Variants in BMPR1B observed in about 807,000 individuals in gnomAD.
BMPR1B encodes the protein bone morphogenetic protein receptor type-1B.
BMPR1B carries 12 observed loss-of-function variants against 59.1 expected under a neutral mutation model. That is an observed-to-expected ratio of 0.20 (90% CI 0.13 to 0.33). The LOEUF is 0.33. BMPR1B is among the 10% of genes least tolerant of loss of function. BMPR1B has a pLI of 1.00. For missense variants in BMPR1B, 550 were observed against 610.9 expected (o/e 0.90, Z 1.05); for synonymous variants, 237 against 207.3 (o/e 1.14, Z -1.23).
intron 3 of BMPR1B, among the ~76,000 whole-genome samples, chr4:95,027,026 A>G (rs1412812683): frequency 6.6e-6 from 1 of 151,954 alleles, no homozygotes; most frequent in Admixed American, 6.6e-5. Context: ...CAGCCTCCCA[A>G]GGTGCTGGGA....
intron 3 of BMPR1B, among the ~76,000 whole-genome samples, chr4:95,073,105 G>C (rs1410397878): frequency 2.6e-5 from 4 of 152,160 alleles, no homozygotes; most frequent in Admixed American, 2.0e-4. Context: ...AAGAGATAAG[G>C]GGGGGAAATC....
chr4:94,835,709 T>C (rs1724780955), intron 1 of BMPR1B, among the ~76,000 whole-genome samples: 1 of 152,182 alleles, frequency 6.6e-6, no homozygotes, highest in Non-Finnish European at 1.5e-5. Flanking sequence ...CTACACTAAT[T>C]TGTATTCAAA....
intron 4 of BMPR1B, among the ~76,000 whole-genome samples, chr4:95,105,779 A>T (rs1197209159): frequency 1.3e-5 from 2 of 152,080 alleles, no homozygotes; most frequent in Non-Finnish European, 2.9e-5. Flanking sequence ...AAACGATTCC[A>T]AAGCTCAGTT....
chr4:95,152,797 G>A, intron 12 of BMPR1B, 24 bp downstream of exon 12: 1 of 1,610,828 alleles, frequency 6.2e-7, no homozygotes, highest in South Asian at 1.1e-5. Context: ...TAACCATGTG[G>A]CTGTGACAGA....
At position 94,914,912 on chromosome 4, in the gene BMPR1B, A is replaced by G. The variant is rs538981201; in HGVS notation, c.-113+39012A>G. Among the ~76,000 whole-genome samples, 5 of 152,282 alleles carry G rather than the reference A, an allele frequency of 3.3e-5. No homozygotes were observed. The East Asian group carries it at 5.8e-4, about 18-fold the overall frequency. On this transcript the variant is annotated intron_variant, in intron 2 of 12. Coordinates refer to ENST00000515059, the MANE Select transcript of BMPR1B (RefSeq NM_001203.3). ...TATTGATATGAATGCTATAATATGCATATATTTAAGTAGTAATACCTTATA... is the reference window on the plus strand; with the variant it reads ...TATTGATATGAATGCTATAATATGCGTATATTTAAGTAGTAATACCTTATA...
rs1014704858 is a variant in BMPR1B at position 95,156,852 on chromosome 4, C to T, written c.*2179C>T. On this transcript the variant is annotated 3_prime_UTR_variant, in exon 13 of 13. Coordinates refer to ENST00000515059, the MANE Select transcript of BMPR1B (RefSeq NM_001203.3). ...AACTAAGTGTGACTAATCATCTGAG[C>T]CTTGAAGAGAAACTTCAGTGCCTCT... The T allele has an allele frequency of 1.3e-5, 2 of 152,056 alleles. No individual in the cohort carries two copies. Among genetic ancestry groups the T allele is most frequent in the Admixed American group, 6.6e-5 (1 of 15,258 alleles). 9.4% of individuals were successfully genotyped at this position (152,056 alleles called of 1,614,324 possible).
At chr4:95,116,421 G>GCGCGCACGCACACACACACACACA in intron 6 of BMPR1B, among the ~76,000 whole-genome samples, 5 of 123,198 alleles carry the variant, frequency 4.1e-5, no homozygotes, top group African/African-American at 1.8e-4. Flanking sequence ...TTCAGCGCGC[G>GCGCGCACGCACACACACACACACA]CACACACACA....
intron 3 of BMPR1B, among the ~76,000 whole-genome samples, chr4:95,005,465 A>G (rs1391206090): frequency 6.6e-6 from 1 of 152,134 alleles, no homozygotes; most frequent in Admixed American, 6.5e-5. Flanking sequence ...AGGGCAGTTC[A>G]ACAAACAGGC....
chr4:94,846,144 C>T (rs1725316572), intron 1 of BMPR1B, among the ~76,000 whole-genome samples: 1 of 152,114 alleles, frequency 6.6e-6, no homozygotes, highest in African/African-American at 2.4e-5. Context: ...AATAGAGAAC[C>T]CAGAAGTAAA....
chr4:94,990,760 T>C (rs1375448234), intron 2 of BMPR1B, among the ~76,000 whole-genome samples: 1 of 152,228 alleles, frequency 6.6e-6, no homozygotes, highest in African/African-American at 2.4e-5. Flanking sequence ...TAGTTACATA[T>C]GTATACATGT....
At chr4:94,884,099 T>A (rs919129383) in intron 2 of BMPR1B, among the ~76,000 whole-genome samples, 1 of 152,222 alleles carries the variant, frequency 6.6e-6, no homozygotes, top group Non-Finnish European at 1.5e-5. Flanking sequence ...AACGTCCCCC[T>A]TGAAGTCAGA....
chr4:95,023,438 G>GGGTCACTGCATGGGTCACTGCA (rs1247728913), intron 3 of BMPR1B, among the ~76,000 whole-genome samples: 1 of 152,126 alleles, frequency 6.6e-6, no homozygotes, highest in Non-Finnish European at 1.5e-5. Context: ...CTAGAGTGCA[G>GGGTCACTGCATGGGTCACTGCA]TAGCTCGTTC....
At chr4:95,119,082 A>G (rs968743837) in intron 6 of BMPR1B, among the ~76,000 whole-genome samples, 8 of 152,250 alleles carry the variant, frequency 5.3e-5, no homozygotes, top group Non-Finnish European at 1.2e-4. Context: ...TTGGAGTCTT[A>G]GTAAAATTAT....
In BMPR1B at chr4:95,058,553, G is replaced by A. The variant is rs150151313; in HGVS notation, c.-17-45855G>A. Among the ~76,000 whole-genome samples the A allele has an allele frequency of 3.0e-3, 455 of 152,226 alleles. 5 individuals carry two copies. Among genetic ancestry groups the A allele is most frequent in the African/African-American group, 0.01 (433 of 41,546 alleles). On this transcript the variant is annotated intron_variant, in intron 3 of 12. Coordinates refer to ENST00000515059, the MANE Select transcript of BMPR1B (RefSeq NM_001203.3). ...ACAGCCAGGTGTGAGTCAATTTAATGTAACAGGACATCTTAAAATTTTTTC... is the reference window on the plus strand; with the variant it reads ...ACAGCCAGGTGTGAGTCAATTTAATATAACAGGACATCTTAAAATTTTTTC...
intron 1 of BMPR1B, among the ~76,000 whole-genome samples, chr4:94,787,903 C>G (rs1722822569): frequency 6.6e-6 from 1 of 152,112 alleles, no homozygotes; most frequent in African/African-American, 2.4e-5. Flanking sequence ...TTCTAATACC[C>G]AGAAGCATTT....
chr4:94,970,979 T>G (rs1730771318), intron 2 of BMPR1B, among the ~76,000 whole-genome samples: 1 of 152,172 alleles, frequency 6.6e-6, no homozygotes, highest in Non-Finnish European at 1.5e-5. Context: ...CTTAATACAT[T>G]TTACAGTCAC....
chr4:94,905,423 T>C (rs1036319293), intron 2 of BMPR1B, among the ~76,000 whole-genome samples: 1 of 152,042 alleles, frequency 6.6e-6, no homozygotes, highest in Non-Finnish European at 1.5e-5. Context: ...TATAATTAGC[T>C]TATAGTTTAA....
chr4:95,005,762 A>G (rs1000033206), intron 3 of BMPR1B, among the ~76,000 whole-genome samples: 12 of 151,758 alleles, frequency 7.9e-5, no homozygotes, highest in Admixed American at 2.6e-4. Context: ...TCTTCTGTCT[A>G]TTGCCCAATT....
At chr4:94,885,086 A>G (rs1459763630) in intron 2 of BMPR1B, among the ~76,000 whole-genome samples, 1 of 152,156 alleles carries the variant, frequency 6.6e-6, no homozygotes, top group African/African-American at 2.4e-5. Flanking sequence ...AAAATGTGTT[A>G]AGACAGAACA....
Sources: allele counts gnomAD v4.1 joint callset (sites outside exome capture counted in the v4.1 genomes callset), GRCh38; gene constraint gnomAD v4.1.1; transcripts MANE v1.5; gene names NCBI Gene and HGNC (gene_info 2026-07-23, HGNC 2026-07-21).